The following OXNAD1 variants were observed in gnomAD, a reference collection of about 807,000 sequenced individuals.
OXNAD1 encodes oxidoreductase NAD-binding domain-containing protein 1.
In OXNAD1, 34 loss-of-function variants were observed where a neutral mutation model predicts 32.9. The observed-to-expected ratio is 1.03, with a 90% CI of 0.79 to 1.38. OXNAD1 has a LOEUF of 1.38. Ranked by LOEUF, OXNAD1 falls within the 40% of genes most tolerant of loss-of-function variation. The pLI is 0.00. For missense variants in OXNAD1, 407 were observed against 379.4 expected (o/e 1.07, Z -0.60); for synonymous variants, 134 against 135.2 (o/e 0.99, Z 0.06).
Position 16,291,924 on chromosome 3 carries a change from C to T in OXNAD1, c.291-2932C>T, listed in dbSNP as rs981853540. Among the ~76,000 whole-genome samples the T allele has an allele frequency of 9.2e-5, 14 of 152,256 alleles. No homozygotes were observed. The South Asian group carries it at 1.0e-3, about 11-fold the overall frequency. On this transcript the variant is annotated intron_variant, in intron 5 of 8. Transcript: ENST00000285083. ...TTGTCTCTTTGATTATAGCCATCCACGTGGGTGTGAACTGCCAGCTCATTA... is the reference window on the plus strand; with the variant it reads ...TTGTCTCTTTGATTATAGCCATCCATGTGGGTGTGAACTGCCAGCTCATTA...
chr3:16,266,980 G>A (rs2064564692), intron 1 of OXNAD1, among the ~76,000 whole-genome samples: 1 of 152,236 alleles, frequency 6.6e-6, no homozygotes, highest in Admixed American at 6.5e-5. Context: ...CCACTAAGGT[G>A]TCTTTGCCTG....
rs1031855297 is a variant in OXNAD1 at position 16,322,670 on chromosome 3, A to G, written c.*31-14442A>G. On this transcript the variant is annotated intron_variant, in intron 9 of 9. Transcript: ENST00000435829. The surrounding 1 kb of genome is among the most constrained non-coding windows in gnomAD (Gnocchi z 6.2). ...GGAAGCATCAGAATCATCTGGCACA[A>G]GGGTTGCCGACACTTGCACCTCGTA... Among the ~76,000 whole-genome samples, 2 of 152,184 alleles carry G rather than the reference A, an allele frequency of 1.3e-5. No homozygotes were observed. Among genetic ancestry groups the G allele is most frequent in the Non-Finnish European group, 2.9e-5 (2 of 68,032 alleles).
At position 16,335,892 on chromosome 3, in the gene OXNAD1, A is replaced by C. The variant is rs2070798525; in HGVS notation, c.*31-1220A>C. Among the ~76,000 whole-genome samples the C allele has an allele frequency of 6.6e-6, 1 of 152,192 alleles. No individual in the cohort carries two copies. Among genetic ancestry groups the C allele is most frequent in the Non-Finnish European group, 1.5e-5 (1 of 68,034 alleles). ...GGTGAGGTCTCAGGAGGCCACAGGC[A>C]GGACTCCGCAGGAGGGAAGTGGCCG... On this transcript the variant is annotated intron_variant, in intron 9 of 9. Coordinates refer to the OXNAD1 transcript ENST00000435829. This position sits in a 1 kb window ranked among gnomAD's most constrained non-coding sequence, Gnocchi z 4.7.
rs2066354237 is a variant in OXNAD1, at chr3:16,290,430, A to G, written c.290+3982A>G. On this transcript the variant is annotated intron_variant, in intron 5 of 8. Coordinates refer to ENST00000285083, the MANE Select transcript of OXNAD1 (RefSeq NM_138381.5). The surrounding 1 kb of genome is among the most constrained non-coding windows in gnomAD (Gnocchi z 4.2). ...TTTCCAAAGGTAGCTTTCCAGAGTT[A>G]CTAGAGAAGAGGGTTGGTTCCCTTT... Among the ~76,000 whole-genome samples, 1 of 152,214 alleles carries G rather than the reference A, an allele frequency of 6.6e-6. No individual in the cohort carries two copies. The highest frequency in any genetic ancestry group is 1.5e-5 in the Non-Finnish European group (1 of 68,038).
At chr3:16,333,469 GTATC>G (rs60115446) in intron 9 of OXNAD1, among the ~76,000 whole-genome samples, 13,364 of 152,162 alleles carry the variant, frequency 0.088, 992 homozygotes, top group African/African-American at 0.21. Flanking sequence ...AGAATTGCCT[GTATC>G]TATCTAATTA....
chr3:16,337,657 G>A (rs1472481200), downstream of OXNAD1, among the ~76,000 whole-genome samples: 5 of 150,556 alleles, frequency 3.3e-5, no homozygotes, highest in South Asian at 4.2e-4. This position sits in a 1 kb window ranked among gnomAD's most constrained non-coding sequence, Gnocchi z 5.0. Context: ...CAGGAGAATC[G>A]CTTGAACCCA....
At position 16,313,741 on chromosome 3, in the gene OXNAD1, CTCTG is replaced by C. The variant is rs1180768145; in HGVS notation, c.*30+10154_*30+10157del. The C allele has an allele frequency of 2.6e-5, 4 of 152,298 alleles. No individual in the cohort carries two copies. In the East Asian group the frequency reaches 5.8e-4, roughly 22 times the overall value. 9.4% of individuals were successfully genotyped at this position (152,298 alleles called of 1,614,324 possible). On this transcript the variant is annotated intron_variant, in intron 9 of 9. Transcript: ENST00000435829. ...TGGGTCTAGTTAGCATCCTCACCAG[CTCTG>C]TCTGATTCCAAAGCCCAGCTGGGCT...
chr3:16,340,166 T>C (rs1025640644), downstream of OXNAD1, among the ~76,000 whole-genome samples: 2 of 152,180 alleles, frequency 1.3e-5, no homozygotes, highest in African/African-American at 4.8e-5. Context: ...TTACAGAGGG[T>C]CCTATCAGGA....
downstream of OXNAD1, chr3:16,337,419 C>G (rs2125274118): frequency 6.6e-6 from 1 of 152,218 alleles, no homozygotes; most frequent in East Asian, 1.9e-4. This position sits in a 1 kb window ranked among gnomAD's most constrained non-coding sequence, Gnocchi z 5.0. Flanking sequence ...CCAGGCAAAC[C>G]TCTAGGAGGA....
In OXNAD1 at chr3:16,299,011, G is replaced by C. The variant is rs995569591; in HGVS notation, c.433-2615G>C. Among the ~76,000 whole-genome samples the C allele has an allele frequency of 6.6e-6, 1 of 152,162 alleles. No homozygotes were observed. The highest frequency in any genetic ancestry group is 2.4e-5 in the African/African-American group (1 of 41,434). On this transcript the variant is annotated intron_variant, in intron 6 of 8. Coordinates refer to ENST00000285083, the MANE Select transcript of OXNAD1 (RefSeq NM_138381.5). The surrounding 1 kb of genome is among the most constrained non-coding windows in gnomAD (Gnocchi z 4.4). ...ATACAGACCTACCGAAGATTATTTT[G>C]TCGTCAAGGATAAGACAGGCTTCTT...
In OXNAD1 at chr3:16,286,427, T is replaced by C; in HGVS notation, c.269T>C (p.Phe90Ser). Reference sequence around the variant, plus strand: ...CGCTTGCTTGTTGCTGATCAAGACTTTTCCTTTAAAGCTGGCCAGTGGTAA... The same window carrying C: ...CGCTTGCTTGTTGCTGATCAAGACTCTTCCTTTAAAGCTGGCCAGTGGTAA... ...SLRLLVADQDFSFKAGQWVDF... is the reference protein window; with the variant it reads ...SLRLLVADQDSSFKAGQWVDF... The change falls in exon 5 of 9, where the codon TTT (phenylalanine) becomes TCT (serine). Residue 90 changes from phenylalanine (F) to serine (S), a missense_variant. Physicochemically the swap from Phe to Ser is radical, Grantham distance 155 (BLOSUM62 -2). Coordinates refer to ENST00000285083, the MANE Select transcript of OXNAD1 (RefSeq NM_138381.5). 1 of 1,613,926 alleles carries C rather than the reference T, an allele frequency of 6.2e-7. No homozygotes were observed. Among genetic ancestry groups the C allele is most frequent in the Non-Finnish European group, 8.5e-7 (1 of 1,179,832 alleles).
At chr3:16,266,502 C>G (rs1481022034) in intron 1 of OXNAD1, among the ~76,000 whole-genome samples, 1 of 148,648 alleles carries the variant, frequency 6.7e-6, no homozygotes, top group Non-Finnish European at 1.5e-5. Flanking sequence ...ACTCAGGAGG[C>G]TGAGGCAGGA....
rs2070870645 is a variant in OXNAD1 at position 16,336,568 on chromosome 3, T to G, written c.*31-544T>G. Among the ~76,000 whole-genome samples the G allele has an allele frequency of 6.6e-6, 1 of 152,234 alleles. No individual in the cohort carries two copies. Among genetic ancestry groups the G allele is most frequent in the African/African-American group, 2.4e-5 (1 of 41,458 alleles). On this transcript the variant is annotated intron_variant, in intron 9 of 9. Transcript: ENST00000435829. This position sits in a 1 kb window ranked among gnomAD's most constrained non-coding sequence, Gnocchi z 6.0. ...TATGCACAATGCCCCAGAAAAACAT[T>G]TTGCTGATATGTAATCAGGACAACA...
rs1423904821 is a variant in OXNAD1 at position 16,329,982 on chromosome 3, C to T, written c.*31-7130C>T. On this transcript the variant is annotated intron_variant, in intron 9 of 9. Transcript: ENST00000435829. This position sits in a 1 kb window ranked among gnomAD's most constrained non-coding sequence, Gnocchi z 4.5. ...CCTGCTTAGACAGACTGCAAACCGG[C>T]TGCTTCTATTTTGCTCCGTTTTATT... 6.6e-6 allele frequency among the ~76,000 whole-genome samples: 1 copy of T among 152,210 alleles called. No homozygotes were observed. The highest frequency in any genetic ancestry group is 1.5e-5 in the Non-Finnish European group (1 of 68,042).
At position 16,302,468 on chromosome 3, in the gene OXNAD1, C is replaced by T. The variant is rs759999194; in HGVS notation, c.676-172C>T. ...AGATTTCAATTAAAGCCAAATAGCC[C>T]TCTGTAGTCTGAATGCTCTGGCCTG... On this transcript the variant is annotated intron_variant, in intron 7 of 8. Coordinates refer to ENST00000285083, the MANE Select transcript of OXNAD1 (RefSeq NM_138381.5). This position sits in a 1 kb window ranked among gnomAD's most constrained non-coding sequence, Gnocchi z 4.2. Among the ~76,000 whole-genome samples, 1 of 152,122 alleles carries T rather than the reference C, an allele frequency of 6.6e-6. No individual in the cohort carries two copies.
chr3:16,323,509 A>G (rs775095631), intron 9 of OXNAD1: 3 of 1,306,784 alleles, frequency 2.3e-6, no homozygotes, highest in Non-Finnish European at 3.3e-6. Flanking sequence ...GAGGAACCCA[A>G]AACCTGACAC....
chr3:16,274,820 C>T (rs772951708), intron 4 of OXNAD1, among the ~76,000 whole-genome samples: 4 of 152,258 alleles, frequency 2.6e-5, no homozygotes, highest in African/African-American at 9.6e-5. Flanking sequence ...ATTTATTCAC[C>T]GAATTTTAAC....
intron 5 of OXNAD1, among the ~76,000 whole-genome samples, chr3:16,293,389 T>C (rs1045022187): frequency 6.6e-6 from 1 of 152,238 alleles, no homozygotes; most frequent in South Asian, 2.1e-4. Flanking sequence ...TGCAAACTTA[T>C]TTGAATTTAT....
chr3:16,344,469 C>G lies in OXNAD1; in HGVS notation c.*31-4707C>G, dbSNP rs1290250941. Among the ~76,000 whole-genome samples, 1 of 152,054 alleles carries G rather than the reference C, an allele frequency of 6.6e-6. No individual in the cohort carries two copies. Among genetic ancestry groups the G allele is most frequent in the Non-Finnish European group, 1.5e-5 (1 of 68,004 alleles). On this transcript the variant is annotated intron_variant, in intron 9 of 9. Transcript: ENST00000606098. This position sits in a 1 kb window ranked among gnomAD's most constrained non-coding sequence, Gnocchi z 4.4. Reference sequence around the variant, plus strand: ...ATGGGTGGGTGGTCCAGAGTCTTCCCCACTCTCAGACCTGCCCTGGCCTTC... The same window carrying G: ...ATGGGTGGGTGGTCCAGAGTCTTCCGCACTCTCAGACCTGCCCTGGCCTTC...
Sources: gnomAD v4.1 joint callset for allele counts (sites outside exome capture counted in the v4.1 genomes callset) on GRCh38, gnomAD v4.1.1 for gene constraint, Gnocchi (gnomAD v3.1) non-coding constraint, MANE v1.5 for transcripts, NCBI Gene and HGNC (gene_info 2026-07-23, HGNC 2026-07-21) for gene names.